The following SLC4A10 variants were observed in gnomAD, a reference collection of about 807,000 sequenced individuals.
The protein encoded by SLC4A10 is sodium-driven chloride bicarbonate exchanger.
Under a neutral mutation model 137.7 loss-of-function variants are expected in SLC4A10, and 42 were observed. The observed-to-expected ratio is 0.30, with a 90% CI of 0.24 to 0.39. The LOEUF (loss-of-function observed/expected upper bound fraction) is 0.39, where lower values mean the gene tolerates loss of function less well. Ranked by LOEUF, SLC4A10 falls within the 10% of genes least tolerant of loss-of-function variation. SLC4A10 has a pLI of 1.00. For missense variants in SLC4A10, 925 were observed against 1,355.0 expected, an observed-to-expected ratio of 0.68 and a Z score of 4.98; for synonymous variants, 474 against 464.1, an observed-to-expected ratio of 1.02 and a Z score of -0.27.
intron 6 of SLC4A10, among the ~76,000 whole-genome samples, chr2:161,872,082 T>G (rs1179804710): frequency 6.6e-6 from 1 of 152,194 alleles, no homozygotes; most frequent in Non-Finnish European, 1.5e-5. Context: ...GAAAATATGT[T>G]TATTTTTTAC....
At chr2:161,974,340 A>G (rs1699044275) in intron 24 of SLC4A10, 24 bp downstream of exon 24, 1 of 1,562,414 alleles carries the variant, frequency 6.4e-7, no homozygotes, top group Admixed American at 1.8e-5. Context: ...TTAAAAACAC[A>G]TCAATTAAAG....
chr2:161,670,955 T>A (rs1397752601), intron 1 of SLC4A10, among the ~76,000 whole-genome samples: 1 of 152,148 alleles, frequency 6.6e-6, no homozygotes, highest in Non-Finnish European at 1.5e-5. Context: ...GTGTTCTTTT[T>A]GAATGCAGGA....
chr2:161,710,041 G>A (rs2044111608), intron 1 of SLC4A10, among the ~76,000 whole-genome samples: 1 of 151,480 alleles, frequency 6.6e-6, no homozygotes, highest in Admixed American at 6.6e-5. Context: ...TATATTTAAG[G>A]AAGTCTGAAA....
chr2:161,777,421 A>G (rs1038002707), intron 2 of SLC4A10, among the ~76,000 whole-genome samples: 1 of 151,980 alleles, frequency 6.6e-6, no homozygotes, highest in Admixed American at 6.6e-5. Flanking sequence ...TAGCCAGGAA[A>G]TCTTTGCCAA....
chr2:161,798,696 A>G (rs2055045294), intron 2 of SLC4A10, among the ~76,000 whole-genome samples: 1 of 151,464 alleles, frequency 6.6e-6, no homozygotes, highest in Non-Finnish European at 1.5e-5. Flanking sequence ...CTGAATTGAC[A>G]TATGTGTCTT....
At chr2:161,929,907 G>A (rs1027612812) in intron 15 of SLC4A10, among the ~76,000 whole-genome samples, 3 of 151,914 alleles carry the variant, frequency 2.0e-5, no homozygotes, top group African/African-American at 7.3e-5. Flanking sequence ...TCTTGCCATA[G>A]TATTATATAT....
At chr2:161,726,694 C>T (rs2046261727) in intron 1 of SLC4A10, among the ~76,000 whole-genome samples, 1 of 152,088 alleles carries the variant, frequency 6.6e-6, no homozygotes, top group Non-Finnish European at 1.5e-5. Flanking sequence ...AGATCATTTG[C>T]AGTCAGGAGT....
intron 1 of SLC4A10, among the ~76,000 whole-genome samples, chr2:161,663,947 T>C (rs1341380332): frequency 6.6e-6 from 1 of 152,044 alleles, no homozygotes; most frequent in Non-Finnish European, 1.5e-5. Context: ...ATTTGTAACA[T>C]TTGTTTTCCT....
intron 15 of SLC4A10, among the ~76,000 whole-genome samples, chr2:161,926,111 A>G (rs1689026446): frequency 2.6e-5 from 4 of 151,920 alleles, no homozygotes; most frequent in African/African-American, 7.2e-5. Flanking sequence ...TATCCTTGTC[A>G]ACTTTCTGTC....
chr2:161,695,182 A>G (rs945957241), intron 1 of SLC4A10, among the ~76,000 whole-genome samples: 3 of 152,016 alleles, frequency 2.0e-5, no homozygotes, highest in African/African-American at 7.2e-5. Context: ...TAAAGGAGAA[A>G]ATGGTTTTCA....
chr2:161,947,417 C>T (rs752016867), intron 16 of SLC4A10, 149 bp from the exon 17 acceptor site: 9 of 758,334 alleles, frequency 1.2e-5, no homozygotes, highest in Admixed American at 3.7e-5. Context: ...ACTTGAAACT[C>T]GTAATGTAAT....
Position 161,947,263 on chromosome 2 carries a change from G to A in SLC4A10, c.2104-303G>A, listed in dbSNP as rs143167349. On this transcript the variant is annotated intron_variant, in intron 16 of 26. Transcript: ENST00000446997. Reference sequence around the variant, plus strand: ...ATATGTCATATTTTCAATATATCTCGTGTTAGGAACTTAGTAGATATTAGA... The same window carrying A: ...ATATGTCATATTTTCAATATATCTCATGTTAGGAACTTAGTAGATATTAGA... 5.8e-3 allele frequency among the ~76,000 whole-genome samples: 887 copies of A among 152,146 alleles called. 6 individuals are homozygous for A. The highest frequency in any genetic ancestry group is 0.019 in the African/African-American group (802 of 41,512).
At chr2:161,696,000 T>C (rs972360735) in intron 1 of SLC4A10, among the ~76,000 whole-genome samples, 46 of 152,098 alleles carry the variant, frequency 3.0e-4, no homozygotes, top group African/African-American at 1.0e-3. Flanking sequence ...GCCATGTTGG[T>C]GTGCTGCACC....
intron 2 of SLC4A10, among the ~76,000 whole-genome samples, chr2:161,796,993 A>G (rs2054841760): frequency 6.6e-6 from 1 of 152,136 alleles, no homozygotes. Flanking sequence ...TTATAATTTA[A>G]TTAAGATGAG....
At chr2:161,834,042 C>A (rs940236086) in intron 3 of SLC4A10, among the ~76,000 whole-genome samples, 1 of 152,210 alleles carries the variant, frequency 6.6e-6, no homozygotes, top group Non-Finnish European at 1.5e-5. Flanking sequence ...TCCACCATGA[C>A]CATTTCTGGG....
In SLC4A10 at chr2:161,627,125, G is replaced by A. The variant is rs183104164; in HGVS notation, c.48+2559G>A. 1.7e-3 allele frequency among the ~76,000 whole-genome samples: 263 copies of A among 152,174 alleles called. 4 individuals are homozygous for A. Among genetic ancestry groups the A allele is most frequent in the Admixed American group, 1.2e-3 (18 of 15,272 alleles). ...ATATGAAGTTCCTGACATTTAGTAA[G>A]TGTTCAATAAAACTTGCTATTATCA... On this transcript the variant is annotated intron_variant, in intron 1 of 26. Coordinates refer to ENST00000446997, the MANE Select transcript of SLC4A10 (RefSeq NM_001178015.2).
chr2:161,757,465 A>G (rs1353434029), intron 1 of SLC4A10, among the ~76,000 whole-genome samples: 1 of 152,162 alleles, frequency 6.6e-6, no homozygotes, highest in Admixed American at 6.6e-5. Flanking sequence ...ACTAACACTA[A>G]TATAGAACTC....
chr2:161,676,696 G>A (rs35518751), intron 1 of SLC4A10, among the ~76,000 whole-genome samples: 1 of 152,116 alleles, frequency 6.6e-6, no homozygotes, highest in Admixed American at 6.6e-5. Flanking sequence ...ATATCTATAT[G>A]TTGAAAAGAA....
chr2:161,980,890 A>C (rs968655448), intron 26 of SLC4A10, among the ~76,000 whole-genome samples: 28 of 152,216 alleles, frequency 1.8e-4, no homozygotes, highest in Non-Finnish European at 1.6e-4. Flanking sequence ...ACAGATGCAT[A>C]ATACATGTTT....
Sources: gnomAD v4.1 joint callset for allele counts (sites outside exome capture counted in the v4.1 genomes callset) on GRCh38, gnomAD v4.1.1 for gene constraint, MANE v1.5 for transcripts, NCBI Gene and HGNC (gene_info 2026-07-23, HGNC 2026-07-21) for gene names.